The following RBFOX1 variants were observed in gnomAD, a reference collection of about 807,000 sequenced individuals.
RBFOX1 encodes the protein RNA binding fox-1 homolog 1, also known as RNA binding protein fox-1 homolog 1.
RBFOX1 carries 8 observed loss-of-function variants against 57.7 expected under a neutral mutation model. That is an observed-to-expected ratio of 0.14 (90% CI 0.08 to 0.25). The LOEUF is 0.25. Among genes scored for constraint, RBFOX1 ranks in the 10% least tolerant of loss-of-function variants. The pLI is 1.00. For missense variants in RBFOX1, 611 were observed against 548.5 expected (o/e 1.11, Z -1.14); for synonymous variants, 326 against 222.4 (o/e 1.47, Z -4.15).
chr16:6,786,309 T>C (rs951008990), intron 3 of RBFOX1, among the ~76,000 whole-genome samples: 2 of 152,030 alleles, frequency 1.3e-5, no homozygotes, highest in African/African-American at 4.8e-5. Flanking sequence ...TTGTTATAAT[T>C]CTTCCCACAT....
intron 2 of RBFOX1, among the ~76,000 whole-genome samples, chr16:6,336,175 ATATATATTTTTTTTTTTTTTTTTTTTTT>A (rs2083686466): frequency 3.2e-5 from 1 of 31,464 alleles, no homozygotes; most frequent in Non-Finnish European, 6.5e-5. Flanking sequence ...ATATATATAT[ATATATATTTTTTTTTTTTTTTTTTTTTT>A]TTTTTTTTTT....
intron 1 of RBFOX1, among the ~76,000 whole-genome samples, chr16:6,106,834 A>AT (rs1298386990): frequency 2.0e-5 from 3 of 150,492 alleles, no homozygotes; most frequent in South Asian, 2.1e-4. Context: ...TGCCTGGCTA[A>AT]TTTTTTTTTC....
At chr16:5,520,381 G>T (rs1397675392) in intron 2 of RBFOX1, among the ~76,000 whole-genome samples, 1 of 152,218 alleles carries the variant, frequency 6.6e-6, no homozygotes, top group Non-Finnish European at 1.5e-5. Flanking sequence ...AAGAGGCAGA[G>T]TGGTACAGCT....
At chr16:6,801,921 A>G (rs961990904) in intron 3 of RBFOX1, among the ~76,000 whole-genome samples, 1 of 152,086 alleles carries the variant, frequency 6.6e-6, no homozygotes. Context: ...GAGGACCTTC[A>G]TCTGGACCTT....
intron 2 of RBFOX1, among the ~76,000 whole-genome samples, chr16:6,462,208 C>G (rs1409575377): frequency 6.6e-6 from 1 of 152,144 alleles, no homozygotes; most frequent in East Asian, 1.9e-4. Flanking sequence ...TGGCCTCCTC[C>G]CCATCTACCT....
At chr16:6,145,894 A>G (rs2096754323) in intron 1 of RBFOX1, among the ~76,000 whole-genome samples, 2 of 152,188 alleles carry the variant, frequency 1.3e-5, no homozygotes, top group Admixed American at 6.5e-5. Flanking sequence ...CTCCTGGGGC[A>G]GGTATTTTGA....
intron 4 of RBFOX1, among the ~76,000 whole-genome samples, chr16:7,363,162 C>T (rs1225569673): frequency 1.3e-5 from 2 of 152,136 alleles, no homozygotes; most frequent in African/African-American, 4.8e-5. Context: ...TTATGAGAGG[C>T]TTTGGGAGAG....
At chr16:6,977,092 A>T (rs1204139836) in intron 3 of RBFOX1, among the ~76,000 whole-genome samples, 2 of 143,536 alleles carry the variant, frequency 1.4e-5, no homozygotes, top group Non-Finnish European at 3.0e-5. Flanking sequence ...TCTATATTTT[A>T]TATATATATC....
intron 12 of RBFOX1, among the ~76,000 whole-genome samples, chr16:7,659,800 A>C (rs903108308): frequency 6.6e-6 from 1 of 152,188 alleles, no homozygotes; most frequent in Non-Finnish European, 1.5e-5. Flanking sequence ...ATGAACTTAT[A>C]GACAAACATG....
chr16:5,380,875 G>A (rs1002224177), intron 1 of RBFOX1, among the ~76,000 whole-genome samples: 45 of 152,216 alleles, frequency 3.0e-4, no homozygotes, highest in African/African-American at 1.1e-3. Flanking sequence ...TGCATGACTT[G>A]TATAATAAGG....
At chr16:7,051,895 G>C (rs942526947) in intron 3 of RBFOX1, among the ~76,000 whole-genome samples, 162 bp from the exon 4 acceptor site, 2 of 152,158 alleles carry the variant, frequency 1.3e-5, no homozygotes, top group African/African-American at 2.4e-5. Flanking sequence ...TGAACTCCAA[G>C]TGAAGCTTGA....
chr16:7,362,566 T>G (rs2097349443), intron 4 of RBFOX1, among the ~76,000 whole-genome samples: 1 of 151,704 alleles, frequency 6.6e-6, no homozygotes, highest in Admixed American at 6.6e-5. Flanking sequence ...ATGTTTTGTT[T>G]GCATGTTAGT....
At chr16:6,525,746 A>G (rs187506610) in intron 2 of RBFOX1, among the ~76,000 whole-genome samples, 2 of 152,144 alleles carry the variant, frequency 1.3e-5, no homozygotes, top group East Asian at 3.9e-4. Flanking sequence ...GGGCTGAAAA[A>G]TGGTCTTACT....
chr16:7,437,039 C>G (rs899896425), intron 4 of RBFOX1, among the ~76,000 whole-genome samples: 8 of 152,176 alleles, frequency 5.3e-5, no homozygotes, highest in East Asian at 1.9e-4. Context: ...CAAGATCACA[C>G]CACTGCACTC....
intron 3 of RBFOX1, among the ~76,000 whole-genome samples, chr16:5,708,144 G>T (rs1476324970): frequency 6.6e-6 from 1 of 152,172 alleles, no homozygotes; most frequent in East Asian, 1.9e-4. Flanking sequence ...GAAGTAGTCA[G>T]ACTGGAACTG....
intron 3 of RBFOX1, among the ~76,000 whole-genome samples, chr16:5,711,930 T>G (rs564225807): frequency 2.6e-5 from 4 of 152,320 alleles, no homozygotes; most frequent in African/African-American, 9.6e-5. Flanking sequence ...GTTCTCACAG[T>G]GCTAAAAAGA....
rs56213509 is a variant in RBFOX1 at position 6,122,730 on chromosome 16, A to G, written c.-127+102738A>G. ...ACTTTATCTTTTCAGTTAATGGGAA[A>G]AAAAAGCCACGGGACCTTTGTCATC... On this transcript the variant is annotated intron_variant, in intron 1 of 15. Transcript: ENST00000550418. 8.8e-3 allele frequency among the ~76,000 whole-genome samples: 1,338 copies of G among 152,168 alleles called. 23 individuals carry two copies. Among genetic ancestry groups the G allele is most frequent in the African/African-American group, 0.03 (1,237 of 41,514 alleles).
intron 4 of RBFOX1, among the ~76,000 whole-genome samples, chr16:5,902,953 C>T (rs1008221510): frequency 6.6e-6 from 1 of 152,146 alleles, no homozygotes; most frequent in Non-Finnish European, 1.5e-5. Flanking sequence ...GTCTCTACTA[C>T]AGTTCTTATC....
At chr16:5,753,713 C>G (rs1051969290) in intron 3 of RBFOX1, among the ~76,000 whole-genome samples, 5 of 152,142 alleles carry the variant, frequency 3.3e-5, no homozygotes, top group Non-Finnish European at 7.3e-5. Flanking sequence ...TTTTCTGTCC[C>G]CAGAAAGTTG....
Sources: gnomAD v4.1 joint callset for allele counts (sites outside exome capture counted in the v4.1 genomes callset) on GRCh38, gnomAD v4.1.1 for gene constraint, MANE v1.5 for transcripts, NCBI Gene and HGNC (gene_info 2026-07-23, HGNC 2026-07-21) for gene names.